The following VDAC3 variants were observed in gnomAD, a reference collection of about 807,000 sequenced individuals.
The protein encoded by VDAC3 is voltage dependent anion channel 3.
VDAC3 carries 7 observed loss-of-function variants against 33.9 expected under a neutral mutation model. The ratio of observed to expected loss-of-function variants is 0.21; its 90% CI spans 0.12 to 0.39. The LOEUF (loss-of-function observed/expected upper bound fraction) is 0.39. VDAC3 is among the 10% of genes least tolerant of loss of function. The pLI, the probability that VDAC3 is intolerant of heterozygous loss-of-function variation, is 1.00. For synonymous variants in VDAC3, 100 were observed against 122.4 expected, an observed-to-expected ratio of 0.82 and a Z score of 1.21; for missense variants, 261 against 334.5, an observed-to-expected ratio of 0.78 and a Z score of 1.71.
At chr8:42,404,802 G>A in intron 8 of VDAC3, 65 bp from the exon 9 acceptor site, 1 of 1,387,004 alleles carries the variant, frequency 7.2e-7, no homozygotes, top group Non-Finnish European at 1.0e-6. Flanking sequence ...TGCACAAAGT[G>A]ATGGTTATAT....
chr8:42,403,428 T>G lies in VDAC3; in HGVS notation c.669T>G (p.Ala223=). The change falls in exon 8 of 10, where the codon GCT becomes GCG. Residue 223 remains alanine, a synonymous_variant. Coordinates refer to ENST00000022615, the MANE Select transcript of VDAC3 (RefSeq NM_005662.7). ...GSNNTRFGIA[A]KYMLDCRTSL... The stretch of plus-strand genomic sequence containing the variant: ...ACAACACCCGTTTTGGCATTGCTGC[T>G]AAGTACATGCTGGATTGTAGAACTT... 6.2e-7 allele frequency: 1 copy of G among 1,608,634 alleles called. No homozygotes were observed. The highest frequency in any genetic ancestry group is 1.1e-5 in the South Asian group (1 of 89,908).
intron 8 of VDAC3, 96 bp from the exon 9 acceptor site, chr8:42,404,771 C>CTA: frequency 1.0e-6 from 1 of 963,320 alleles, no homozygotes; most frequent in Non-Finnish European, 1.6e-6. Flanking sequence ...CCCTAGGGTG[C>CTA]TTTTAGCATT....
chr8:42,405,578 C>T lies in VDAC3; in HGVS notation c.*116C>T, dbSNP rs1385203754. The T allele has an allele frequency of 1.1e-6, 1 of 875,240 alleles. No individual in the cohort carries two copies. Among genetic ancestry groups the T allele is most frequent in the Non-Finnish European group, 1.8e-6 (1 of 557,104 alleles). The allele number at this position is 875,240 out of a possible 1,614,324, so 54.2% of individuals were successfully genotyped here. ...CAAAAGTGTGAACTTTTTATTCTTC[C>T]AAAGAATTGTAATCCTCCCCACACT... On this transcript the variant is annotated 3_prime_UTR_variant, in exon 10 of 10. Coordinates refer to ENST00000022615, the MANE Select transcript of VDAC3 (RefSeq NM_005662.7).
chr8:42,395,267 C>A, intron 4 of VDAC3, 134 bp downstream of exon 4: 3 of 1,358,036 alleles, frequency 2.2e-6, no homozygotes, highest in Non-Finnish European at 3.0e-6. Flanking sequence ...AGATTTTAAA[C>A]AGCATTCTTA....
Position 42,403,010 on chromosome 8 carries a change from A to G in VDAC3, c.552-301A>G, listed in dbSNP as rs1006537048. The G allele has an allele frequency of 4.3e-5, 14 of 324,230 alleles. No homozygotes were observed. The East Asian group carries it at 1.0e-3, about 24-fold the overall frequency. 20.1% of individuals were successfully genotyped at this position (324,230 alleles called of 1,614,324 possible). The stretch of plus-strand genomic sequence containing the variant: ...AGTTCTATGAACTTCTCAGAGACCT[A>G]TAGATTATACTTACCCGAGGTGTCT... On this transcript the variant is annotated intron_variant, in intron 7 of 9. Coordinates refer to ENST00000022615, the MANE Select transcript of VDAC3 (RefSeq NM_005662.7).
intron 8 of VDAC3, 98 bp from the exon 9 acceptor site, chr8:42,404,769 T>C (rs1030545839): frequency 2.2e-6 from 2 of 899,908 alleles, no homozygotes; most frequent in Middle Eastern, 3.2e-4. Context: ...GGCCCTAGGG[T>C]GCTTTTAGCA....
rs1802483335 is a variant in VDAC3 at position 42,405,490 on chromosome 8, TCC to T, written c.*30_*31del. On this transcript the variant is annotated 3_prime_UTR_variant, in exon 10 of 10. Transcript: ENST00000022615. ...TGGTTTGAGGAAAGCATCAGATTTG[TCC>T]CTGGAAGTGAAGAGAAATGAACCCA... is the stretch of plus-strand genomic sequence containing the variant. 6.3e-7 allele frequency: 1 copy of T among 1,585,438 alleles called. No homozygotes were observed. The highest frequency in any genetic ancestry group is 1.7e-5 in the Admixed American group (1 of 59,060).
intron 3 of VDAC3, among the ~76,000 whole-genome samples, chr8:42,394,855 T>G (rs1802278660): frequency 6.6e-6 from 1 of 152,218 alleles, no homozygotes; most frequent in African/African-American, 2.4e-5. Context: ...TTTATTTTTT[T>G]CTTTAACTTA....
chr8:42,405,045 GGTT>G, intron 9 of VDAC3, 121 bp downstream of exon 9: 1 of 906,236 alleles, frequency 1.1e-6, no homozygotes, highest in South Asian at 1.5e-5. Context: ...TGTAACATTT[GGTT>G]GTTCAGACAG....
At position 42,403,255 on chromosome 8, in the gene VDAC3, A is replaced by G. The variant is rs1802447828; in HGVS notation, c.552-56A>G. On this transcript the variant is annotated intron_variant, in intron 7 of 9. Coordinates refer to ENST00000022615, the MANE Select transcript of VDAC3 (RefSeq NM_005662.7). ...TAGTCTTAGAATTTGTTTTCATACC[A>G]TAATAACAATGGTACAAACTAGATA... 2.5e-6 allele frequency: 4 copies of G among 1,594,778 alleles called. 1 individual carries two copies. The highest frequency in any genetic ancestry group is 2.2e-5 in the East Asian group (1 of 44,648).
chr8:42,392,756 C>T (rs1032019866), intron 1 of VDAC3, among the ~76,000 whole-genome samples: 1 of 152,150 alleles, frequency 6.6e-6, no homozygotes, highest in Non-Finnish European at 1.5e-5. Context: ...TATCTTTTCT[C>T]GGCAGTATGA....
Position 42,402,029 on chromosome 8 carries a change from A to G in VDAC3, c.551+14A>G. 6.2e-7 allele frequency: 1 copy of G among 1,612,968 alleles called. No individual in the cohort carries two copies. On this transcript the variant is annotated intron_variant, in intron 7 of 9. Transcript: ENST00000022615. ...GCACACACATGTGTGAGTGTTTATA[A>G]TTTATTCCTTAGTATCAGTGCAGTT... is the stretch of plus-strand genomic sequence containing the variant.
intron 1 of VDAC3, among the ~76,000 whole-genome samples, chr8:42,393,131 C>T (rs1754811938): frequency 6.6e-6 from 1 of 151,878 alleles, no homozygotes; most frequent in African/African-American, 2.4e-5. Context: ...TCATATTTGA[C>T]AGGTTTATGT....
chr8:42,400,559 A>G (rs1476452527), intron 6 of VDAC3, among the ~76,000 whole-genome samples: 1 of 151,794 alleles, frequency 6.6e-6, no homozygotes, highest in Non-Finnish European at 1.5e-5. Context: ...GGTCCATGCT[A>G]TCTGAAGGAC....
intron 6 of VDAC3, 72 bp downstream of exon 6, chr8:42,399,775 A>G (rs1305787152): frequency 7.0e-7 from 1 of 1,434,544 alleles, no homozygotes; most frequent in Non-Finnish European, 9.8e-7. Context: ...GAATAAGGAG[A>G]TATAGTGCAA....
intron 5 of VDAC3, 96 bp downstream of exon 5, chr8:42,398,960 C>A: frequency 7.1e-7 from 1 of 1,414,666 alleles, no homozygotes; most frequent in Non-Finnish European, 9.6e-7. Context: ...GATCTTACAA[C>A]CTATCTAGTA....
At chr8:42,396,613 C>A in intron 4 of VDAC3, 1 of 679,320 alleles carries the variant, frequency 1.5e-6, no homozygotes. Context: ...GTTTGTGTTG[C>A]AAAAATTATC....
At chr8:42,396,188 G>A (rs1366824094) in intron 4 of VDAC3, among the ~76,000 whole-genome samples, 1 of 152,162 alleles carries the variant, frequency 6.6e-6, no homozygotes, top group Non-Finnish European at 1.5e-5. Flanking sequence ...AACCCAGGAG[G>A]CAGAGGTTGC....
chr8:42,405,350 G>T (rs1294122561), intron 9 of VDAC3, 21 bp from the exon 10 acceptor site: 9 of 1,581,414 alleles, frequency 5.7e-6, no homozygotes, highest in Non-Finnish European at 6.9e-6. Context: ...TCAAGTGATT[G>T]TGGTGTTTTC....
Sources: gnomAD v4.1 joint callset for allele counts (sites outside exome capture counted in the v4.1 genomes callset) on GRCh38, gnomAD v4.1.1 for gene constraint, MANE v1.5 for transcripts, NCBI Gene and HGNC (gene_info 2026-07-23, HGNC 2026-07-21) for gene names.